The following NRP1 variants were observed in gnomAD, a reference collection of about 807,000 sequenced individuals.
NRP1 encodes neuropilin-1.
Under a neutral mutation model 106.7 loss-of-function variants are expected in NRP1, and 35 were observed. The observed-to-expected ratio is 0.33, with a 90% confidence interval of 0.25 to 0.43. NRP1 has a LOEUF of 0.43. Among genes scored for constraint, NRP1 ranks in the 20% least tolerant of loss-of-function variants. NRP1 has a pLI of 1.00. For missense variants in NRP1, 1,024 were observed against 1,170.4 expected, an observed-to-expected ratio of 0.87 and a Z score of 1.83; for synonymous variants, 437 against 417.9, an observed-to-expected ratio of 1.05 and a Z score of -0.56.
At chr10:33,286,026 C>T (rs955475822) in intron 2 of NRP1, among the ~76,000 whole-genome samples, 3 of 152,164 alleles carry the variant, frequency 2.0e-5, no homozygotes, top group Non-Finnish European at 2.9e-5. Context: ...GTCATTCCCA[C>T]CCATTGATCC....
intron 2 of NRP1, among the ~76,000 whole-genome samples, chr10:33,317,352 C>A (rs1847113651): frequency 6.6e-6 from 1 of 152,194 alleles, no homozygotes; most frequent in Admixed American, 6.5e-5. Flanking sequence ...CCCCTCCCTA[C>A]TACTGGAAAA....
intron 6 of NRP1, among the ~76,000 whole-genome samples, chr10:33,235,969 A>C (rs1840523156): frequency 1.3e-5 from 2 of 152,254 alleles, no homozygotes; most frequent in South Asian, 4.1e-4. Flanking sequence ...TTGGTCAAAA[A>C]GATGACATTT....
intron 2 of NRP1, among the ~76,000 whole-genome samples, chr10:33,275,347 T>A (rs371649157): frequency 1.3e-5 from 2 of 152,268 alleles, no homozygotes; most frequent in African/African-American, 4.8e-5. Context: ...GGTGGGTGGA[T>A]CACGAGGTCA....
chr10:33,257,612 G>A (rs539169335), intron 4 of NRP1, among the ~76,000 whole-genome samples: 125 of 150,586 alleles, frequency 8.3e-4, no homozygotes, highest in African/African-American at 3.0e-3. Flanking sequence ...ATGACGGAGC[G>A]AGACTCTGTC....
intron 13 of NRP1, among the ~76,000 whole-genome samples, chr10:33,188,137 A>G (rs75983635): frequency 1.2e-4 from 18 of 152,222 alleles, no homozygotes; most frequent in African/African-American, 4.3e-4. Context: ...TTTCACTGTG[A>G]TGAATCCACC....
At chr10:33,310,822 A>C (rs1432572016) in intron 2 of NRP1, among the ~76,000 whole-genome samples, 5 of 152,176 alleles carry the variant, frequency 3.3e-5, no homozygotes, top group African/African-American at 1.2e-4. Flanking sequence ...TTTAACATTT[A>C]TTGGATAATT....
chr10:33,197,061 A>T (rs1435126148), intron 12 of NRP1, among the ~76,000 whole-genome samples: 1 of 152,208 alleles, frequency 6.6e-6, no homozygotes, highest in Non-Finnish European at 1.5e-5. Context: ...TTTAACCGTG[A>T]CTGGCCCCTG....
intron 12 of NRP1, among the ~76,000 whole-genome samples, chr10:33,192,934 A>C (rs1032956479): frequency 2.6e-5 from 4 of 152,162 alleles, no homozygotes; most frequent in Non-Finnish European, 4.4e-5. Context: ...TCAGGTCTTT[A>C]ATGTCAGGGT....
intron 6 of NRP1, among the ~76,000 whole-genome samples, chr10:33,249,731 T>C (rs573115965): frequency 6.6e-6 from 1 of 152,156 alleles, no homozygotes; most frequent in Non-Finnish European, 1.5e-5. Context: ...GGATATGAAG[T>C]GGCTTTTTGA....
At chr10:33,287,413 G>A (rs1168463170) in intron 2 of NRP1, among the ~76,000 whole-genome samples, 4 of 152,150 alleles carry the variant, frequency 2.6e-5, no homozygotes, top group African/African-American at 9.7e-5. Flanking sequence ...AATTAAACAG[G>A]AAAGGATTCT....
chr10:33,198,161 A>G (rs1836941963), intron 11 of NRP1, among the ~76,000 whole-genome samples: 1 of 71,692 alleles, frequency 1.4e-5, no homozygotes, highest in Non-Finnish European at 2.4e-5. Flanking sequence ...TTTTTTTTTG[A>G]GATGGAGTCT....
In NRP1 at chr10:33,202,499, G is replaced by T. The variant is rs993059475; in HGVS notation, c.1864+392C>A. The T allele has an allele frequency of 7.9e-6, 9 of 1,133,490 alleles. No homozygotes were observed. The African/African-American group carries it at 1.4e-4, about 18-fold the overall frequency. The allele number at this position is 1,133,490 out of a possible 1,614,324, so 70.2% of individuals were successfully genotyped here. On this transcript the variant is annotated intron_variant, in intron 11 of 16. Coordinates refer to ENST00000374867, the MANE Select transcript of NRP1 (RefSeq NM_003873.7). ...ATAAAGGATCCACTCAAAAAAACTT[G>T]TCCTCATTAGAAAATGAAAATAAAC... is the stretch of plus-strand genomic sequence containing the variant.
intron 5 of NRP1, among the ~76,000 whole-genome samples, chr10:33,256,097 G>A (rs1588858811): frequency 6.6e-6 from 1 of 152,044 alleles, no homozygotes; most frequent in East Asian, 1.9e-4. Context: ...TAATTTCAGA[G>A]GCTCCCAAGC....
chr10:33,279,006 G>C (rs1588907246), intron 2 of NRP1, among the ~76,000 whole-genome samples: 1 of 152,124 alleles, frequency 6.6e-6, no homozygotes, highest in African/African-American at 2.4e-5. Context: ...CATTAAAAGA[G>C]ATCCAAAATG....
chr10:33,252,362 A>G (rs1379370838), intron 6 of NRP1, among the ~76,000 whole-genome samples: 2 of 152,134 alleles, frequency 1.3e-5, no homozygotes, highest in South Asian at 2.1e-4. Flanking sequence ...GTGATAAGGA[A>G]GGGGGTCTAA....
At chr10:33,200,263 C>T (rs562440193) in intron 11 of NRP1, among the ~76,000 whole-genome samples, 76 of 152,300 alleles carry the variant, frequency 5.0e-4, no homozygotes, top group African/African-American at 1.7e-3. Context: ...ACAGCTCCAA[C>T]GTAAAATTTG....
chr10:33,210,280 A>G (rs1254539596), intron 9 of NRP1, among the ~76,000 whole-genome samples: 1 of 152,038 alleles, frequency 6.6e-6, no homozygotes, highest in Non-Finnish European at 1.5e-5. Context: ...AGACTCTGAC[A>G]CATATTATTG....
intron 5 of NRP1, among the ~76,000 whole-genome samples, chr10:33,254,774 G>A (rs4934583): frequency 0.7 from 105,940 of 151,990 alleles, 37,466 homozygotes; most frequent in African/African-American, 0.82. Context: ...TCAAAACACA[G>A]TTATGCATTG....
intron 6 of NRP1, among the ~76,000 whole-genome samples, chr10:33,246,236 A>T (rs4934848): frequency 0.2 from 26,450 of 132,496 alleles, 2,759 homozygotes; most frequent in East Asian, 0.52. Context: ...TACCCTCCTT[A>T]AAAAAAAAAA....
Sources: gnomAD v4.1 joint callset for allele counts (sites outside exome capture counted in the v4.1 genomes callset) on GRCh38, gnomAD v4.1.1 for gene constraint, MANE v1.5 for transcripts, NCBI Gene and HGNC (gene_info 2026-07-23, HGNC 2026-07-21) for gene names.